MALAT1: variants seen among roughly 807,000 people sequenced by gnomAD.
The protein encoded by MALAT1 is hepcarcin.
At chr11:65,504,873 G>C (rs1472479714) in intron 3 of MALAT1, 1 of 518,502 alleles carries the variant, frequency 1.9e-6, no homozygotes, top group Non-Finnish European at 3.9e-6. Flanking sequence ...GACCCAGTAA[G>C]AAAAAATAGC....
chr11:65,503,377 G>A (rs750517358), exon 3 of MALAT1: 1 of 518,748 alleles, frequency 1.9e-6, no homozygotes, highest in East Asian at 5.4e-5. Context: ...GGGCTTCAGT[G>A]ATGGGATAGT....
exon 3 of MALAT1, chr11:65,503,589 T>C (rs1854604355): frequency 2.0e-6 from 1 of 511,764 alleles, no homozygotes; most frequent in African/African-American, 1.9e-5. Flanking sequence ...AGAAAACCAT[T>C]AAATCATTCA....
chr11:65,499,080 A>T (rs763675153), exon 3 of MALAT1: 3 of 518,304 alleles, frequency 5.8e-6, no homozygotes, highest in Admixed American at 3.9e-5. Flanking sequence ...GCTTCTGCTG[A>T]GGGGGCAGGC....
At position 65,499,334 on chromosome 11, in the gene MALAT1, A is replaced by T. The variant is rs549845485; in HGVS notation, n.597A>T. ...GAGATGAAGCTTCTTCATGGAGTAA[A>T]AAATGTATTTAAAAGAAAATTGAGA... is the stretch of plus-strand genomic sequence containing the variant. On this transcript the variant is annotated non_coding_transcript_exon_variant, in exon 3 of 4. Transcript: ENST00000619449. 223 of 501,262 alleles carry T rather than the reference A, an allele frequency of 4.4e-4. 2 individuals are homozygous for T. The highest frequency in any genetic ancestry group is 3.0e-3 in the South Asian group (208 of 69,008). The allele number at this position is 501,262 out of a possible 1,614,324, so 31.1% of individuals were successfully genotyped here.
At chr11:65,497,745 T>C (rs1215258520) in exon 1 of MALAT1, 1 of 384,990 alleles carries the variant, frequency 2.6e-6, no homozygotes, top group Non-Finnish European at 5.1e-6. Flanking sequence ...CTCCGCAGCC[T>C]GCAGCCCGAG....
chr11:65,504,191 T>G (rs745455433), intron 3 of MALAT1: 30 of 517,458 alleles, frequency 5.8e-5, no homozygotes, highest in Admixed American at 2.1e-4. Flanking sequence ...AGTGCTTGGC[T>G]CTTCCTTCTG....
exon 3 of MALAT1, chr11:65,501,728 G>T (rs749229990): frequency 1.9e-6 from 1 of 519,026 alleles, no homozygotes; most frequent in Non-Finnish European, 3.8e-6. Flanking sequence ...GTACAGCACA[G>T]TGCAGCTTTG....
At chr11:65,501,619 G>C (rs757097988) in exon 3 of MALAT1, 1 of 518,934 alleles carries the variant, frequency 1.9e-6, no homozygotes, top group Non-Finnish European at 3.8e-6. Flanking sequence ...GACAAACTGG[G>C]TTAGAGAAGG....
exon 3 of MALAT1, chr11:65,503,414 T>G (rs1004166415): frequency 1.9e-6 from 1 of 515,750 alleles, no homozygotes; most frequent in African/African-American, 1.9e-5. Context: ...CATTTGCATC[T>G]TTAAATAATT....
exon 3 of MALAT1, chr11:65,499,605 A>T (rs1289734994): frequency 2.2e-6 from 1 of 451,152 alleles, no homozygotes; most frequent in Admixed American, 2.4e-5. Flanking sequence ...GAAAATGGAA[A>T]GATTAATTGG....
chr11:65,505,997 A>T (rs1854684068), intron 3 of MALAT1: 1 of 462,468 alleles, frequency 2.2e-6, no homozygotes, highest in Admixed American at 2.8e-5. Flanking sequence ...GCGGAAGCTG[A>T]TCTCCAATGC....
exon 1 of MALAT1, chr11:65,497,833 G>A (rs1396716134): frequency 1.9e-6 from 1 of 514,350 alleles, no homozygotes; most frequent in Non-Finnish European, 3.9e-6. Flanking sequence ...CAACGCAGAA[G>A]CCCGGCGCCG....
chr11:65,499,330 G>A (rs762406918), exon 3 of MALAT1: 3 of 501,256 alleles, frequency 6.0e-6, no homozygotes, highest in Admixed American at 2.1e-5. Flanking sequence ...TCTTCATGGA[G>A]TAAAAAATGT....
At chr11:65,497,896 A>T (rs1186931628) in intron 1 of MALAT1, 1 of 518,572 alleles carries the variant, frequency 1.9e-6, no homozygotes, top group Non-Finnish European at 3.9e-6. Flanking sequence ...CCGGGAGCCC[A>T]GGTTTCCCAG....
intron 1 of MALAT1, chr11:65,498,677 A>C (rs770919998): frequency 3.9e-6 from 2 of 518,168 alleles, no homozygotes; most frequent in South Asian, 2.8e-5. Context: ...ATCTTCCTTC[A>C]AAAGGTGGTA....
exon 3 of MALAT1, chr11:65,500,326 T>A (rs1269848265): frequency 5.8e-6 from 3 of 518,564 alleles, no homozygotes; most frequent in South Asian, 4.2e-5. Context: ...CAACTTAATG[T>A]TTTTGCATTG....
chr11:65,501,067 C>G (rs374407212), exon 3 of MALAT1: 22 of 508,834 alleles, frequency 4.3e-5, no homozygotes, highest in Admixed American at 3.8e-4. Flanking sequence ...CAAATTGAGA[C>G]AATTTCAGCA....
chr11:65,506,424 C>G (rs1235628957), exon 4 of MALAT1: 1 of 366,286 alleles, frequency 2.7e-6, no homozygotes, highest in South Asian at 2.1e-5. Context: ...AGCCCTACTG[C>G]TGAAAACTTA....
At chr11:65,500,907 T>C (rs1854531143) in exon 3 of MALAT1, 1 of 513,810 alleles carries the variant, frequency 1.9e-6, no homozygotes, top group Non-Finnish European at 3.9e-6. Flanking sequence ...TTCCGGGTGT[T>C]GTAGGTTTCT....
Sources: gnomAD v4.1 joint callset for allele counts on GRCh38, gnomAD v4.1.1 for gene constraint, MANE v1.5 for transcripts, NCBI Gene and HGNC (gene_info 2026-07-23, HGNC 2026-07-21) for gene names.